TDRD1: variants seen among roughly 807,000 people sequenced by gnomAD.
TDRD1 encodes the protein tudor domain-containing protein 1.
In TDRD1, 37 loss-of-function variants were observed where a neutral mutation model predicts 140.6. That is an observed-to-expected ratio of 0.26 (90% CI 0.20 to 0.35). The LOEUF (loss-of-function observed/expected upper bound fraction) is 0.35. TDRD1 is among the 10% of genes least tolerant of loss of function. TDRD1 has a pLI of 1.00. For missense variants in TDRD1, 1,243 were observed against 1,393.0 expected (o/e 0.89, Z 1.71); for synonymous variants, 506 against 475.7 (o/e 1.06, Z -0.83).
intron 13 of TDRD1, among the ~76,000 whole-genome samples, 178 bp downstream of exon 13, chr10:114,211,145 G>C (rs943440108): frequency 6.6e-6 from 1 of 152,232 alleles, no homozygotes; most frequent in East Asian, 1.9e-4. Flanking sequence ...GTTGAAAGGA[G>C]TGTGGTCTGA....
Position 114,199,082 on chromosome 10 carries a change from A to G in TDRD1, c.385-91A>G, listed in dbSNP as rs2034558206. ...AGGAGGAATAAGGAAAAGTACATCT[A>G]CTTGATCTTATCTGAAGTAGTCCCA... is the stretch of plus-strand genomic sequence containing the variant. On this transcript the variant is annotated intron_variant, in intron 3 of 25. Coordinates refer to ENST00000251864, the Ensembl canonical transcript of TDRD1. The G allele has an allele frequency of 5.8e-6, 8 of 1,382,696 alleles. No individual in the cohort carries two copies. The South Asian group carries it at 8.5e-5, about 15-fold the overall frequency. The allele number at this position is 1,382,696 out of a possible 1,614,324, so 85.7% of individuals were successfully genotyped here.
chr10:114,187,830 C>G (rs138818268), exon 2 of TDRD1: 1 of 1,567,952 alleles, frequency 6.4e-7, no homozygotes, highest in Non-Finnish European at 8.6e-7. Context: ...CCTTAGGCCT[C>G]GATGAGTGTT....
In TDRD1 at chr10:114,210,633, CA is replaced by C; in HGVS notation, c.1441del (p.Ser481ValfsTer3). On this transcript the variant is annotated frameshift_variant, in exon 12 of 26. Transcript: ENST00000251864. LOFTEE classifies it high-confidence loss of function. The stretch of plus-strand genomic sequence containing the variant: ...CAACTGAAAACAACATTGTCGTAGA[CA>C]AAAGTGACCTAATCCCAAAAGTGTT... The C allele has an allele frequency of 6.2e-7, 1 of 1,610,108 alleles. No individual in the cohort carries two copies. The highest frequency in any genetic ancestry group is 8.5e-7 in the Non-Finnish European group (1 of 1,176,884).
intron 21 of TDRD1, among the ~76,000 whole-genome samples, chr10:114,225,354 C>G (rs1356297587): frequency 6.6e-6 from 1 of 152,152 alleles, no homozygotes; most frequent in Non-Finnish European, 1.5e-5. Flanking sequence ...ATCTTAACTC[C>G]TGCTTTTGAA....
At chr10:114,213,323 A>G (rs757756509) in intron 14 of TDRD1, 23 bp from the exon 15 acceptor site, 3 of 1,595,546 alleles carry the variant, frequency 1.9e-6, no homozygotes, top group African/African-American at 2.7e-5. Context: ...TAATTGTAAC[A>G]TTCATTCAAA....
intron 1 of TDRD1, among the ~76,000 whole-genome samples, chr10:114,184,303 C>T (rs531973473): frequency 6.6e-6 from 1 of 152,238 alleles, no homozygotes; most frequent in East Asian, 1.9e-4. Context: ...CTGCAAATAA[C>T]AGCTTATTTG....
At chr10:114,194,949 G>A (rs140910860) in intron 3 of TDRD1, among the ~76,000 whole-genome samples, 5 of 145,152 alleles carry the variant, frequency 3.4e-5, no homozygotes, top group African/African-American at 7.5e-5. Context: ...CTGTAGATAT[G>A]GGGGTCTTAC....
chr10:114,191,718 G>A (rs753251495), intron 3 of TDRD1, among the ~76,000 whole-genome samples: 3 of 152,152 alleles, frequency 2.0e-5, no homozygotes, highest in African/African-American at 4.8e-5. Flanking sequence ...CGTTTTTAAT[G>A]CTCCAGGATA....
intron 1 of TDRD1, among the ~76,000 whole-genome samples, chr10:114,185,769 A>G (rs1036060045): frequency 2.0e-5 from 3 of 150,858 alleles, no homozygotes; most frequent in East Asian, 2.0e-4. Flanking sequence ...TTGTATTTTT[A>G]GTAGAGACAG....
At chr10:114,185,679 C>A (rs1363688442) in intron 1 of TDRD1, among the ~76,000 whole-genome samples, 1 of 152,020 alleles carries the variant, frequency 6.6e-6, no homozygotes, top group Non-Finnish European at 1.5e-5. Flanking sequence ...CCTCCACCTC[C>A]CAGGATCAAG....
intron 2 of TDRD1, among the ~76,000 whole-genome samples, chr10:114,189,695 G>A (rs970098649): frequency 6.6e-6 from 1 of 152,110 alleles, no homozygotes; most frequent in Non-Finnish European, 1.5e-5. Flanking sequence ...GGGCACAAAC[G>A]ATCCTCCTGC....
chr10:114,214,803 T>G (rs139898940), intron 16 of TDRD1, among the ~76,000 whole-genome samples: 1 of 151,934 alleles, frequency 6.6e-6, no homozygotes, highest in Non-Finnish European at 1.5e-5. Flanking sequence ...AGTGGCACAG[T>G]GTAGGCTCAC....
chr10:114,178,724 A>T (rs1209090102), upstream of TDRD1, among the ~76,000 whole-genome samples: 1 of 152,182 alleles, frequency 6.6e-6, no homozygotes, highest in Non-Finnish European at 1.5e-5. Flanking sequence ...TCACATTTAC[A>T]ATTCTCGGAT....
intron 1 of TDRD1, among the ~76,000 whole-genome samples, chr10:114,184,559 C>A (rs1390365457): frequency 1.3e-5 from 2 of 152,194 alleles, no homozygotes; most frequent in African/African-American, 4.8e-5. Flanking sequence ...TCTCAGAAGC[C>A]CCCCTCAGGA....
At chr10:114,203,447 A>G in exon 8 of TDRD1, 1 of 1,613,954 alleles carries the variant, frequency 6.2e-7, no homozygotes. Context: ...ATTCTTCAGA[A>G]GTTTTAGAAT....
intron 11 of TDRD1, 101 bp from the exon 12 acceptor site, chr10:114,210,480 G>T (rs976727387): frequency 8.3e-7 from 1 of 1,208,158 alleles, no homozygotes; most frequent in Non-Finnish European, 1.1e-6. Flanking sequence ...GAACCTTGCA[G>T]TCATAGTCAT....
intron 15 of TDRD1, 54 bp downstream of exon 15, chr10:114,213,642 A>G (rs1384080891): frequency 6.7e-7 from 1 of 1,502,644 alleles, no homozygotes; most frequent in Non-Finnish European, 9.1e-7. Context: ...ATGGTTCTAT[A>G]AATAAATAGT....
At chr10:114,201,603 C>A in intron 5 of TDRD1, 88 bp downstream of exon 5, 2 of 1,027,966 alleles carry the variant, frequency 1.9e-6, no homozygotes, top group Non-Finnish European at 2.9e-6. Context: ...AGACCACAAC[C>A]AAGTAGAAGT....
chr10:114,226,049 G>A, exon 22 of TDRD1: 1 of 1,613,660 alleles, frequency 6.2e-7, no homozygotes. Flanking sequence ...CTGTTTTCAG[G>A]TGATGATTTT....
Sources: allele counts gnomAD v4.1 joint callset (sites outside exome capture counted in the v4.1 genomes callset), GRCh38; gene constraint gnomAD v4.1.1; transcripts MANE v1.5; gene names NCBI Gene and HGNC (gene_info 2026-07-23, HGNC 2026-07-21).